Variants in GALNT13 observed in about 807,000 individuals in gnomAD.
GALNT13 encodes the protein UDP-GalNAc:polypeptide N-acetylgalactosaminyltransferase 13.
In GALNT13, 28 loss-of-function variants were observed where a neutral mutation model predicts 64.2. The ratio of observed to expected loss-of-function variants is 0.44; its 90% CI spans 0.32 to 0.60. The LOEUF is 0.60. Ranked by LOEUF, GALNT13 falls within the 20% of genes least tolerant of loss-of-function variation. The pLI is 0.05. For synonymous variants in GALNT13, 214 were observed against 224.6 expected, an observed-to-expected ratio of 0.95 and a Z score of 0.42; for missense variants, 577 against 669.8, an observed-to-expected ratio of 0.86 and a Z score of 1.53.
chr2:153,785,483 C>T, the GALNT13 span, among the ~76,000 whole-genome samples: 2 of 152,178 alleles, frequency 1.3e-5, no homozygotes, highest in Non-Finnish European at 2.9e-5. Context: ...CAGTGAACTG[C>T]AGCAGCCCTA....
the GALNT13 span, among the ~76,000 whole-genome samples, chr2:153,694,841 A>C: frequency 6.6e-6 from 1 of 152,194 alleles, no homozygotes; most frequent in Non-Finnish European, 1.5e-5. Context: ...ATAAAGTTTT[A>C]AAATGTATGT....
chr2:153,420,493 A>G, the GALNT13 span, among the ~76,000 whole-genome samples: 1 of 152,292 alleles, frequency 6.6e-6, no homozygotes, highest in East Asian at 1.9e-4. Context: ...ATTTTATTTT[A>G]TTTACTTCAA....
the GALNT13 span, among the ~76,000 whole-genome samples, chr2:153,143,621 G>A: frequency 1.3e-5 from 2 of 151,998 alleles, no homozygotes; most frequent in Non-Finnish European, 2.9e-5. Flanking sequence ...AGCAAAGTCT[G>A]CCAGATGGAA....
the GALNT13 span, among the ~76,000 whole-genome samples, chr2:153,842,188 G>A: frequency 6.6e-6 from 1 of 151,984 alleles, no homozygotes; most frequent in Admixed American, 6.6e-5. Context: ...CTAGCAAGAG[G>A]GCCAGAATAT....
intron 11 of GALNT13, among the ~76,000 whole-genome samples, chr2:154,431,795 C>T (rs1045013309): frequency 2.6e-5 from 4 of 152,080 alleles, no homozygotes; most frequent in Non-Finnish European, 5.9e-5. Context: ...ATAAGTCTCA[C>T]GAGAGCTGAT....
the GALNT13 span, among the ~76,000 whole-genome samples, chr2:153,463,019 G>A: frequency 1.3e-5 from 2 of 151,910 alleles, no homozygotes; most frequent in East Asian, 1.9e-4. Flanking sequence ...CTCTTATCCC[G>A]AGGAAAGACA....
the GALNT13 span, among the ~76,000 whole-genome samples, chr2:153,299,471 C>G: frequency 1.3e-3 from 197 of 152,286 alleles, 6 homozygotes; most frequent in East Asian, 0.036. Flanking sequence ...CAACCCAGAC[C>G]TGAAGGGGCA....
chr2:154,422,109 G>T (rs1297702186), intron 11 of GALNT13, among the ~76,000 whole-genome samples: 1 of 152,078 alleles, frequency 6.6e-6, no homozygotes, highest in Non-Finnish European at 1.5e-5. Flanking sequence ...TTTACAAGTA[G>T]AAGAGCTAAG....
chr2:154,196,724 C>T (rs1686897919), intron 4 of GALNT13, among the ~76,000 whole-genome samples: 1 of 152,166 alleles, frequency 6.6e-6, no homozygotes, highest in Admixed American at 6.5e-5. Flanking sequence ...AACCATGTTT[C>T]AATAGTCACA....
At chr2:154,077,313 T>A (rs751682726) in intron 3 of GALNT13, among the ~76,000 whole-genome samples, 5 of 151,522 alleles carry the variant, frequency 3.3e-5, no homozygotes, top group African/African-American at 4.8e-5. Flanking sequence ...TGGGAAGAAC[T>A]TTACAGGATT....
chr2:153,672,098 T>A, the GALNT13 span, among the ~76,000 whole-genome samples: 3 of 152,154 alleles, frequency 2.0e-5, no homozygotes, highest in African/African-American at 7.2e-5. Flanking sequence ...CACACAATAA[T>A]GATGGGAGAC....
intron 9 of GALNT13, among the ~76,000 whole-genome samples, chr2:154,343,064 A>G (rs1163624973): frequency 6.6e-6 from 1 of 151,940 alleles, no homozygotes; most frequent in Non-Finnish European, 1.5e-5. Context: ...CATTATGAGA[A>G]TACAAACTTG....
At chr2:153,399,465 G>T in the GALNT13 span, among the ~76,000 whole-genome samples, 14 of 151,768 alleles carry the variant, frequency 9.2e-5, no homozygotes, top group South Asian at 4.2e-4. Flanking sequence ...GTGAAGAAAG[G>T]CATTGGTAGC....
At chr2:154,117,870 G>C (rs1337340318) in intron 3 of GALNT13, among the ~76,000 whole-genome samples, 1 of 152,158 alleles carries the variant, frequency 6.6e-6, no homozygotes, top group Non-Finnish European at 1.5e-5. Flanking sequence ...TCTAAGACCT[G>C]AAACTATAAT....
At chr2:153,920,674 C>T (rs191046076) in intron 2 of GALNT13, among the ~76,000 whole-genome samples, 15 of 152,170 alleles carry the variant, frequency 9.9e-5, no homozygotes, top group East Asian at 5.8e-4. Context: ...CCAAAGGAAA[C>T]TATCAACAGA....
intron 7 of GALNT13, among the ~76,000 whole-genome samples, chr2:154,252,736 TA>T (rs1690145564): frequency 2.2e-5 from 2 of 92,620 alleles, no homozygotes; most frequent in Non-Finnish European, 5.1e-5. Context: ...GATAGATAGA[TA>T]GATAGATAGA....
chr2:153,196,312 G>GAGCTGTAC, the GALNT13 span, among the ~76,000 whole-genome samples: 1 of 151,864 alleles, frequency 6.6e-6, no homozygotes, highest in East Asian at 1.9e-4. Context: ...CCCTCCTTCA[G>GAGCTGTAC]ATTCCCCCTG....
At chr2:154,134,149 G>A (rs1006000787) in intron 3 of GALNT13, among the ~76,000 whole-genome samples, 5 of 152,156 alleles carry the variant, frequency 3.3e-5, no homozygotes, top group Non-Finnish European at 5.9e-5. Flanking sequence ...GCATAGCTAT[G>A]TGTCCAAGAG....
In GALNT13 at chr2:153,897,741, C is replaced by T. The variant is rs146718091; in HGVS notation, c.-176-3195C>T. Among the ~76,000 whole-genome samples the T allele has an allele frequency of 3.8e-3, 581 of 152,044 alleles. 1 individual carries two copies. The highest frequency in any genetic ancestry group is 0.017 in the Middle Eastern group (5 of 294). ...TATACTTTTTAGTTGACATTATACT[C>T]GAAGAAGGAGTTTTCCCTTCTTAAT... On this transcript the variant is annotated intron_variant, in intron 1 of 12. Coordinates refer to ENST00000392825, the MANE Select transcript of GALNT13 (RefSeq NM_052917.4).
Sources: gnomAD v4.1 joint callset for allele counts (sites outside exome capture counted in the v4.1 genomes callset) on GRCh38, gnomAD v4.1.1 for gene constraint, MANE v1.5 for transcripts, NCBI Gene and HGNC (gene_info 2026-07-23, HGNC 2026-07-21) for gene names.